Variants in MAPRE2 observed in about 807,000 individuals in gnomAD.
The protein encoded by MAPRE2 is microtubule-associated protein RP/EB family member 2.
A neutral mutation model predicts 43.2 loss-of-function variants in MAPRE2; 13 were observed. The ratio of observed to expected loss-of-function variants is 0.30; its 90% CI spans 0.20 to 0.48. The LOEUF (loss-of-function observed/expected upper bound fraction) is 0.48. MAPRE2 is among the 20% of genes least tolerant of loss of function. MAPRE2 has a pLI of 0.99. For synonymous variants in MAPRE2, 135 were observed against 148.8 expected (o/e 0.91, Z 0.68); for missense variants, 161 against 400.2 (o/e 0.40, Z 5.10).
At chr18:35,099,497 C>T (rs1211379983) in intron 3 of MAPRE2, among the ~76,000 whole-genome samples, 1 of 152,070 alleles carries the variant, frequency 6.6e-6, no homozygotes, top group Admixed American at 6.6e-5. Context: ...TACGTGTAGG[C>T]TCAGCTACTC....
At chr18:35,016,013 A>AC (rs1191337144) in intron 2 of MAPRE2, among the ~76,000 whole-genome samples, 1 of 151,842 alleles carries the variant, frequency 6.6e-6, no homozygotes, top group Non-Finnish European at 1.5e-5. Context: ...GTCCATAAGT[A>AC]CCCAATGTCC....
intron 4 of MAPRE2, among the ~76,000 whole-genome samples, chr18:35,121,389 C>T (rs531626240): frequency 3.0e-4 from 45 of 152,138 alleles, no homozygotes; most frequent in Non-Finnish European, 5.9e-4. Flanking sequence ...CACAACTGCT[C>T]AAAGACTAGC....
intron 2 of MAPRE2, among the ~76,000 whole-genome samples, chr18:35,086,467 A>G (rs1207071949): frequency 6.6e-6 from 1 of 152,048 alleles, no homozygotes; most frequent in Non-Finnish European, 1.5e-5. Flanking sequence ...AGATTCTACT[A>G]TAAATAGAAA....
chr18:35,125,110 A>AT (rs1309134895), intron 4 of MAPRE2, among the ~76,000 whole-genome samples: 2 of 152,202 alleles, frequency 1.3e-5, no homozygotes, highest in African/African-American at 4.8e-5. Flanking sequence ...AAAGAAGTTT[A>AT]TTTTTTAAAA....
chr18:35,131,913 C>A, intron 5 of MAPRE2, 119 bp from the exon 6 acceptor site: 1 of 1,006,226 alleles, frequency 9.9e-7, no homozygotes, highest in Non-Finnish European at 1.5e-6. Context: ...CAGACTTACA[C>A]ATTGGTTATT....
chr18:35,126,341 T>G (rs1909899848), intron 4 of MAPRE2, among the ~76,000 whole-genome samples: 1 of 152,204 alleles, frequency 6.6e-6, no homozygotes, highest in Admixed American at 6.5e-5. Context: ...TATCCTAAGC[T>G]TACCCTGAAC....
chr18:35,017,796 C>A (rs1301528807), intron 2 of MAPRE2, among the ~76,000 whole-genome samples: 52 of 151,170 alleles, frequency 3.4e-4, no homozygotes, highest in Admixed American at 3.4e-3. Context: ...ACTTCTTTTC[C>A]TATTTGGATG....
At chr18:35,075,948 T>G (rs934364308) in intron 2 of MAPRE2, among the ~76,000 whole-genome samples, 1 of 152,218 alleles carries the variant, frequency 6.6e-6, no homozygotes, top group African/African-American at 2.4e-5. Flanking sequence ...TCTTGACACT[T>G]TGCTCCCGAA....
chr18:35,055,535 C>CTGTGTGTGTG (rs1321118157), intron 1 of MAPRE2, among the ~76,000 whole-genome samples: 12 of 60,226 alleles, frequency 2.0e-4, no homozygotes, highest in East Asian at 7.5e-4. Context: ...CTATTCAGTT[C>CTGTGTGTGTG]TCTGTGTGTG....
intron 1 of MAPRE2, among the ~76,000 whole-genome samples, chr18:34,985,310 ATT>A: frequency 2.3e-5 from 1 of 42,710 alleles, no homozygotes; most frequent in Non-Finnish European, 3.9e-5. Flanking sequence ...TATTGTATAT[ATT>A]ATATTATATA....
intron 4 of MAPRE2, among the ~76,000 whole-genome samples, chr18:35,103,482 T>C (rs1234977383): frequency 6.6e-6 from 1 of 152,122 alleles, no homozygotes; most frequent in African/African-American, 2.4e-5. Flanking sequence ...GAGATTCTTT[T>C]GTGACATTTA....
chr18:35,126,378 C>T (rs928319992), intron 4 of MAPRE2, among the ~76,000 whole-genome samples: 1 of 152,164 alleles, frequency 6.6e-6, no homozygotes, highest in African/African-American at 2.4e-5. Flanking sequence ...CTAGAATCAG[C>T]CATTTCTCAA....
At chr18:35,118,373 G>C (rs894925994) in intron 4 of MAPRE2, among the ~76,000 whole-genome samples, 1 of 152,078 alleles carries the variant, frequency 6.6e-6, no homozygotes, top group Non-Finnish European at 1.5e-5. Context: ...CCCTCCCCTT[G>C]GAATCAATAG....
chr18:35,076,005 G>A (rs1371918307), intron 2 of MAPRE2, among the ~76,000 whole-genome samples: 1 of 152,030 alleles, frequency 6.6e-6, no homozygotes, highest in Non-Finnish European at 1.5e-5. Context: ...CTTTTTGTTT[G>A]TTTACTGTCT....
At chr18:35,063,402 C>T (rs145029527) in intron 1 of MAPRE2, among the ~76,000 whole-genome samples, 2,308 of 151,988 alleles carry the variant, frequency 0.015, 66 homozygotes, top group African/African-American at 0.053. Flanking sequence ...CCACTGCGCC[C>T]GGCCTCAGAA....
intron 1 of MAPRE2, among the ~76,000 whole-genome samples, chr18:34,980,561 C>T (rs1010208584): frequency 5.3e-5 from 8 of 152,124 alleles, no homozygotes; most frequent in African/African-American, 1.9e-4. Flanking sequence ...ACATTGAAAA[C>T]CAAAGCATCC....
intron 3 of MAPRE2, among the ~76,000 whole-genome samples, chr18:35,097,904 A>G (rs1349281621): frequency 7.9e-5 from 12 of 152,158 alleles, no homozygotes. Context: ...GGTTCTTTGT[A>G]TTTTGTTCTT....
chr18:35,032,288 G>A (rs540618513), intron 2 of MAPRE2, among the ~76,000 whole-genome samples: 9 of 152,302 alleles, frequency 5.9e-5, no homozygotes, highest in Non-Finnish European at 2.9e-5. Flanking sequence ...TGACAGCTGT[G>A]AATGCCTTTG....
At chr18:35,056,943 A>G (rs566917525) in intron 1 of MAPRE2, among the ~76,000 whole-genome samples, 2 of 152,290 alleles carry the variant, frequency 1.3e-5, no homozygotes, top group East Asian at 1.9e-4. Context: ...CTGCAGTTCA[A>G]AAAGCTTCCC....
Sources: gnomAD v4.1 joint callset for allele counts (sites outside exome capture counted in the v4.1 genomes callset) on GRCh38, gnomAD v4.1.1 for gene constraint, MANE v1.5 for transcripts, NCBI Gene and HGNC (gene_info 2026-07-23, HGNC 2026-07-21) for gene names.